Variants in GPHN observed in about 807,000 individuals in gnomAD.
The protein encoded by GPHN is gephyrin.
A neutral mutation model predicts 95.5 loss-of-function variants in GPHN; 17 were observed. The ratio of observed to expected loss-of-function variants is 0.18; its 90% confidence interval spans 0.12 to 0.27. The LOEUF is 0.27. Ranked by LOEUF, GPHN falls within the 10% of genes least tolerant of loss-of-function variation. The pLI is 1.00. For synonymous variants in GPHN, 320 were observed against 322.5 expected, an observed-to-expected ratio of 0.99 and a Z score of 0.08; for missense variants, 660 against 978.1, an observed-to-expected ratio of 0.67 and a Z score of 4.34.
chr14:67,387,238 G>A, the GPHN span: 22 of 1,277,138 alleles, frequency 1.7e-5, no homozygotes, highest in South Asian at 2.9e-4. Context: ...AACTTACAAA[G>A]AAGTCAAAAG....
chr14:67,534,563 A>G, the GPHN span, among the ~76,000 whole-genome samples: 1 of 152,150 alleles, frequency 6.6e-6, no homozygotes, highest in East Asian at 1.9e-4. Flanking sequence ...AAGAGCCATA[A>G]CTGAAACCCA....
chr14:66,621,644 C>T (rs547719239), intron 1 of GPHN, among the ~76,000 whole-genome samples: 4 of 151,654 alleles, frequency 2.6e-5, no homozygotes, highest in African/African-American at 9.7e-5. Flanking sequence ...AGGATGGTCT[C>T]GATCTCCTGA....
chr14:67,695,454 G>T, the GPHN span, among the ~76,000 whole-genome samples: 5 of 152,230 alleles, frequency 3.3e-5, no homozygotes, highest in African/African-American at 1.2e-4. Context: ...GGGGTCTCGG[G>T]TGTCCTCCTG....
the GPHN span, among the ~76,000 whole-genome samples, chr14:67,520,921 G>A: frequency 6.6e-6 from 1 of 152,214 alleles, no homozygotes; most frequent in Non-Finnish European, 1.5e-5. Flanking sequence ...TAGCAATTTT[G>A]CATTCCCACA....
the GPHN span, among the ~76,000 whole-genome samples, chr14:67,669,226 A>C: frequency 6.6e-6 from 1 of 152,030 alleles, no homozygotes; most frequent in Non-Finnish European, 1.5e-5. Flanking sequence ...TCTTGCTGTT[A>C]AATATTATAC....
At chr14:67,361,203 T>C in the GPHN span, among the ~76,000 whole-genome samples, 1 of 152,186 alleles carries the variant, frequency 6.6e-6, no homozygotes, top group Admixed American at 6.5e-5. Context: ...AAACTTAGGC[T>C]TTTTAAATTT....
chr14:67,032,976 C>T (rs1192253882), intron 10 of GPHN, among the ~76,000 whole-genome samples: 1 of 152,036 alleles, frequency 6.6e-6, no homozygotes, highest in Admixed American at 6.6e-5. Flanking sequence ...AAATAATTAC[C>T]TTTAAAAAGG....
the GPHN span, among the ~76,000 whole-genome samples, chr14:67,537,381 A>C: frequency 3.0e-5 from 3 of 98,384 alleles, no homozygotes; most frequent in African/African-American, 1.2e-4. Context: ...AATAATAATA[A>C]AAACTTAATC....
At chr14:66,871,022 G>A (rs894717048) in intron 4 of GPHN, among the ~76,000 whole-genome samples, 13 of 152,166 alleles carry the variant, frequency 8.5e-5, no homozygotes, top group Non-Finnish European at 1.8e-4. Flanking sequence ...CCAGTGGTAT[G>A]TTTTAGAGGA....
chr14:67,504,857 AT>A, the GPHN span, among the ~76,000 whole-genome samples: 1 of 152,168 alleles, frequency 6.6e-6, no homozygotes, highest in Non-Finnish European at 1.5e-5. Flanking sequence ...TTGCACTCCA[AT>A]CAGGGCAACA....
chr14:67,199,081 C>G, the GPHN span: 12 of 976,440 alleles, frequency 1.2e-5, no homozygotes, highest in African/African-American at 1.4e-4. Flanking sequence ...AGGCCGATCT[C>G]CGAGCGGAAC....
At chr14:66,741,179 A>T (rs556684608) in intron 2 of GPHN, among the ~76,000 whole-genome samples, 13 of 152,216 alleles carry the variant, frequency 8.5e-5, no homozygotes, top group Non-Finnish European at 1.9e-4. Context: ...TTTTTGGGGA[A>T]CACATTCAAA....
In GPHN at chr14:66,824,479, C is replaced by T; in HGVS notation, c.207C>T (p.Thr69=). ...VPDEIEEIKE[T]LIDWCDEKEL... ...ATACTATTGTTTTCTTTCAGGAAAC[C>T]CTGATAGATTGGTGTGATGAAAAGG... The change falls in exon 4 of 23, where the codon ACC becomes ACT. Residue 69 remains threonine, a synonymous_variant. Transcript: ENST00000478722. 6.4e-7 allele frequency: 1 copy of T among 1,564,088 alleles called. No individual in the cohort carries two copies. The highest frequency in any genetic ancestry group is 8.8e-7 in the Non-Finnish European group (1 of 1,135,474).
chr14:67,497,380 C>T, the GPHN span, among the ~76,000 whole-genome samples: 58 of 152,140 alleles, frequency 3.8e-4, no homozygotes, highest in South Asian at 1.0e-3. Context: ...AGGCCGAGAA[C>T]GCAGGTATCC....
the GPHN span, chr14:67,470,848 G>A: frequency 6.5e-6 from 1 of 152,776 alleles, no homozygotes; most frequent in Non-Finnish European, 1.5e-5. Flanking sequence ...CAGGACACCA[G>A]AGGTTCATGA....
At chr14:67,189,947 T>A in the GPHN span, among the ~76,000 whole-genome samples, 1 of 150,634 alleles carries the variant, frequency 6.6e-6, no homozygotes, top group African/African-American at 2.4e-5. Flanking sequence ...TTCAAGTGAT[T>A]CTCCTGCCTC....
the GPHN span, among the ~76,000 whole-genome samples, chr14:67,661,322 C>T: frequency 2.2e-5 from 3 of 136,890 alleles, no homozygotes; most frequent in Non-Finnish European, 3.1e-5. Flanking sequence ...TAAAGAAAAG[C>T]CACAGGTGAA....
At chr14:67,580,194 G>A in the GPHN span, 7 of 258,400 alleles carry the variant, frequency 2.7e-5, no homozygotes, top group East Asian at 9.7e-5. Context: ...CTGCCTACAC[G>A]TGCCCACTCA....
At chr14:66,665,383 G>T (rs1050772969) in intron 1 of GPHN, among the ~76,000 whole-genome samples, 3 of 152,088 alleles carry the variant, frequency 2.0e-5, no homozygotes, top group Admixed American at 1.3e-4. Flanking sequence ...AATCTACAAA[G>T]AACTCAAACA....
Sources: allele counts gnomAD v4.1 joint callset (sites outside exome capture counted in the v4.1 genomes callset), GRCh38; gene constraint gnomAD v4.1.1; transcripts MANE v1.5; gene names NCBI Gene and HGNC (gene_info 2026-07-23, HGNC 2026-07-21).